The following NRG1 variants were observed in gnomAD, a reference collection of about 807,000 sequenced individuals.
NRG1 encodes pro-neuregulin-1, membrane-bound isoform.
NRG1 carries 18 observed loss-of-function variants against 63.8 expected under a neutral mutation model. The ratio of observed to expected loss-of-function variants is 0.28; its 90% CI spans 0.19 to 0.42. The LOEUF is 0.42. NRG1 is among the 10% of genes least tolerant of loss of function. The pLI is 1.00. For synonymous variants in NRG1, 302 were observed against 301.3 expected (o/e 1.00, Z -0.02); for missense variants, 762 against 814.7 (o/e 0.94, Z 0.79).
chr8:32,252,337 G>GT (rs1401162990), intron 1 of NRG1, among the ~76,000 whole-genome samples: 6 of 151,938 alleles, frequency 3.9e-5, no homozygotes, highest in Admixed American at 6.6e-5. Context: ...GGTCTTATGT[G>GT]TAAGTCTTTA....
At chr8:32,397,710 A>G (rs574890487) in intron 1 of NRG1, among the ~76,000 whole-genome samples, 1 of 152,298 alleles carries the variant, frequency 6.6e-6, no homozygotes, top group East Asian at 1.9e-4. Context: ...ATTGGTTACC[A>G]TGTGTATTCC....
intron 1 of NRG1, among the ~76,000 whole-genome samples, chr8:32,480,435 T>TA (rs552285405): frequency 0.044 from 4,490 of 102,838 alleles, 75 homozygotes; most frequent in Non-Finnish European, 0.062. Flanking sequence ...CCAAATTGCT[T>TA]AAAAAAAAAA....
intron 1 of NRG1, among the ~76,000 whole-genome samples, chr8:31,714,502 G>C (rs558326399): frequency 2.6e-5 from 4 of 152,104 alleles, no homozygotes; most frequent in African/African-American, 9.6e-5. Context: ...TTTTTGGTAA[G>C]TTCTCCACAT....
intron 1 of NRG1, among the ~76,000 whole-genome samples, chr8:31,713,109 ATTTTTTTTTTT>A (rs11304829): frequency 3.6e-4 from 31 of 86,042 alleles, no homozygotes; most frequent in Non-Finnish European, 6.4e-4. Context: ...ACTCCTTCTA[ATTTTTTTTTTT>A]TTTTTTTTTT....
chr8:32,479,340 G>A (rs1824933474), intron 1 of NRG1, among the ~76,000 whole-genome samples: 1 of 152,052 alleles, frequency 6.6e-6, no homozygotes. Context: ...AGTCAAGCTT[G>A]GTGGTAGGTG....
chr8:32,457,136 A>T (rs927881230), intron 1 of NRG1, among the ~76,000 whole-genome samples: 1 of 152,144 alleles, frequency 6.6e-6, no homozygotes, highest in African/African-American at 2.4e-5. Context: ...TCTCAAAAAA[A>T]TAAATAAATA....
At chr8:32,714,807 T>C (rs1310024676) in intron 5 of NRG1, among the ~76,000 whole-genome samples, 2 of 152,028 alleles carry the variant, frequency 1.3e-5, no homozygotes, top group Non-Finnish European at 2.9e-5. Context: ...CACTCACACA[T>C]ACACACACAA....
intron 1 of NRG1, among the ~76,000 whole-genome samples, chr8:32,365,654 A>C (rs1452012717): frequency 6.6e-6 from 1 of 152,174 alleles, no homozygotes; most frequent in Non-Finnish European, 1.5e-5. Flanking sequence ...CATGGATGAT[A>C]CAGTCTTGGG....
intron 1 of NRG1, among the ~76,000 whole-genome samples, chr8:32,264,196 G>A (rs979536447): frequency 2.0e-5 from 3 of 152,080 alleles, no homozygotes; most frequent in Admixed American, 6.6e-5. Context: ...AGAAGAATTT[G>A]TCTAATAAAT....
At position 32,282,474 on chromosome 8, in the gene NRG1, C is replaced by A. The variant is rs1852982910; in HGVS notation, c.38-313354C>A. Among the ~76,000 whole-genome samples, 2 of 152,168 alleles carry A rather than the reference C, an allele frequency of 1.3e-5. 1 individual carries two copies. The highest frequency in any genetic ancestry group is 4.1e-4 in the South Asian group (2 of 4,836). ...CATGCTCTCTGTCCAGCTGTGGCTC[C>A]TGCCTGCAAAGCGTGCCATCAGCTT... On this transcript the variant is annotated intron_variant, in intron 1 of 10. Coordinates refer to the NRG1 transcript ENST00000519301.
chr8:32,506,747 G>C (rs1485752644), intron 1 of NRG1, among the ~76,000 whole-genome samples: 1 of 152,024 alleles, frequency 6.6e-6, no homozygotes, highest in African/African-American at 2.4e-5. Flanking sequence ...GGGCATGGTG[G>C]CTCACACCTG....
At chr8:31,798,835 C>G (rs1821484822) in intron 1 of NRG1, among the ~76,000 whole-genome samples, 1 of 152,066 alleles carries the variant, frequency 6.6e-6, no homozygotes, top group Non-Finnish European at 1.5e-5. Flanking sequence ...AACCACTCTT[C>G]TTTTCTGCTT....
chr8:32,752,831 C>T (rs1828994899), intron 7 of NRG1, among the ~76,000 whole-genome samples: 1 of 150,452 alleles, frequency 6.6e-6, no homozygotes. Context: ...TCTTTTCCTT[C>T]TCCTCCTGTT....
intron 1 of NRG1, among the ~76,000 whole-genome samples, chr8:32,344,168 T>C (rs1050113260): frequency 2.6e-5 from 4 of 152,242 alleles, no homozygotes; most frequent in African/African-American, 4.8e-5. Flanking sequence ...ATGGAGCTTA[T>C]GCAGATAGCA....
At chr8:32,504,415 T>G (rs1453738743) in intron 1 of NRG1, among the ~76,000 whole-genome samples, 2 of 152,234 alleles carry the variant, frequency 1.3e-5, no homozygotes, top group Non-Finnish European at 2.9e-5. Context: ...ATTTAACCAT[T>G]AAATAATATA....
chr8:32,414,854 G>A (rs1332592678), intron 1 of NRG1, among the ~76,000 whole-genome samples: 1 of 152,124 alleles, frequency 6.6e-6, no homozygotes, highest in Non-Finnish European at 1.5e-5. Flanking sequence ...GTTGAATCTA[G>A]GTTTAGGAGT....
chr8:32,703,419 TG>T (rs1815474126), intron 5 of NRG1, among the ~76,000 whole-genome samples: 4 of 62,318 alleles, frequency 6.4e-5, no homozygotes, highest in East Asian at 5.6e-4. Context: ...TCACTAATGA[TG>T]TTTTTTTTTT....
At chr8:32,297,117 G>GA (rs1018476832) in intron 1 of NRG1, among the ~76,000 whole-genome samples, 13 of 151,224 alleles carry the variant, frequency 8.6e-5, no homozygotes, top group Admixed American at 3.3e-4. Context: ...CTGTCTCAAA[G>GA]AAAAAAAAAT....
chr8:32,635,121 C>T (rs1000239911), intron 5 of NRG1, among the ~76,000 whole-genome samples: 3 of 152,204 alleles, frequency 2.0e-5, no homozygotes, highest in Non-Finnish European at 2.9e-5. Context: ...AAATTCAAAT[C>T]ATGCCTTCAC....
Sources: gnomAD v4.1 joint callset for allele counts (sites outside exome capture counted in the v4.1 genomes callset) on GRCh38, gnomAD v4.1.1 for gene constraint, MANE v1.5 for transcripts, NCBI Gene and HGNC (gene_info 2026-07-23, HGNC 2026-07-21) for gene names.